Variants in FAAH2 observed in about 807,000 individuals in gnomAD.
The protein encoded by FAAH2 is fatty acid amide hydrolase 2, also known as fatty-acid amide hydrolase 2.
Under a neutral mutation model 36.9 loss-of-function variants are expected in FAAH2, and 60 were observed. The ratio of observed to expected loss-of-function variants is 1.63; its 90% CI spans 1.32 to 2.02. The LOEUF is 2.02. Ranked by LOEUF, FAAH2 falls within the 30% of genes most tolerant of loss-of-function variation. The pLI is 0.00. For missense variants in FAAH2, 689 were observed against 397.5 expected (o/e 1.73, Z -6.23); for synonymous variants, 214 against 143.8 (o/e 1.49, Z -3.49).
rs188868803 is a variant in FAAH2, at chrX:57,487,418, C to G, written c.1424-1339C>G. On this transcript the variant is annotated intron_variant, in intron 10 of 10. Coordinates refer to ENST00000374900, the MANE Select transcript of FAAH2 (RefSeq NM_174912.4). ...TTATATTCCAAACATATGAAAAACT[C>G]TTACAACTCAATAATAAGACGATAA... is the stretch of plus-strand genomic sequence containing the variant. Among the ~76,000 whole-genome samples, 201 of 111,724 alleles carry G rather than the reference C, an allele frequency of 1.8e-3. 1 individual carries two copies. Among genetic ancestry groups the G allele is most frequent in the Non-Finnish European group, 3.3e-3 (173 of 53,094 alleles).
chrX:57,315,959 A>G (rs1287903918), intron 3 of FAAH2, among the ~76,000 whole-genome samples: 4 of 111,700 alleles, frequency 3.6e-5, no homozygotes, highest in Non-Finnish European at 7.6e-5. Context: ...AAAGAAGTCA[A>G]ACTGTCTCTC....
chrX:57,171,269 A>G, the FAAH2 span, among the ~76,000 whole-genome samples: 2 of 111,620 alleles, frequency 1.8e-5, no homozygotes, highest in Non-Finnish European at 3.8e-5. Context: ...CTTTGGGTAG[A>G]TACTCAGTAG....
At chrX:57,237,127 G>A in the FAAH2 span, among the ~76,000 whole-genome samples, 1 of 111,417 alleles carries the variant, frequency 9.0e-6, no homozygotes, top group Non-Finnish European at 1.9e-5. Flanking sequence ...TTTCTTCCAT[G>A]TGTGTTTTTG....
At chrX:57,309,740 A>C (rs1033535029) in intron 2 of FAAH2, among the ~76,000 whole-genome samples, 1 of 111,345 alleles carries the variant, frequency 9.0e-6, no homozygotes, top group African/African-American at 3.3e-5. Context: ...TTTGCTGAGG[A>C]TAATGGCTTC....
At chrX:57,488,672 C>A in intron 10 of FAAH2, 85 bp from the exon 11 acceptor site, 2 of 888,575 alleles carry the variant, frequency 2.3e-6, no homozygotes, top group Admixed American at 3.5e-5. Flanking sequence ...ATATTTTCAC[C>A]TATTTATTAT....
intron 8 of FAAH2, among the ~76,000 whole-genome samples, chrX:57,435,143 A>T (rs1298064195): frequency 8.9e-6 from 1 of 111,972 alleles, no homozygotes; most frequent in Non-Finnish European, 1.9e-5. Flanking sequence ...CATGGAAATA[A>T]AAGGTATATG....
chrX:57,414,850 C>CTTT (rs760473454), intron 7 of FAAH2, among the ~76,000 whole-genome samples: 1 of 57,876 alleles, frequency 1.7e-5, no homozygotes, highest in Non-Finnish European at 3.4e-5. Context: ...TTGTCCTGGG[C>CTTT]TTTTTTTTTT....
At chrX:57,283,159 T>C (rs974290801), upstream of FAAH2, among the ~76,000 whole-genome samples, 2 of 112,307 alleles carry the variant, frequency 1.8e-5, no homozygotes, top group Non-Finnish European at 3.8e-5. Flanking sequence ...ATGGTGGCTG[T>C]GGCTTTCTGG....
chrX:57,281,741 T>C (rs917371941), upstream of FAAH2, among the ~76,000 whole-genome samples: 1 of 111,522 alleles, frequency 9.0e-6, no homozygotes, highest in Non-Finnish European at 1.9e-5. Flanking sequence ...TCAAGTAGGC[T>C]GTGGTGTCTG....
At chrX:57,310,882 T>C (rs1467806745) in intron 3 of FAAH2, among the ~76,000 whole-genome samples, 153 bp downstream of exon 3, 2 of 112,153 alleles carry the variant, frequency 1.8e-5, no homozygotes, top group African/African-American at 6.5e-5. Flanking sequence ...CAAGTTCCAT[T>C]GGGAAAATAA....
chrX:57,203,393 C>T, the FAAH2 span, among the ~76,000 whole-genome samples: 1 of 111,736 alleles, frequency 8.9e-6, no homozygotes, highest in South Asian at 3.8e-4. Context: ...TGTTCCTTGC[C>T]CTTATTCTGG....
the FAAH2 span, among the ~76,000 whole-genome samples, chrX:57,132,136 A>T: frequency 1.8e-5 from 2 of 112,544 alleles, no homozygotes; most frequent in Non-Finnish European, 3.8e-5. Context: ...TCCAAACAGA[A>T]TACAGGTTTA....
intron 3 of FAAH2, among the ~76,000 whole-genome samples, chrX:57,327,755 G>GT (rs762178011): frequency 1.8e-5 from 2 of 111,202 alleles, no homozygotes; most frequent in Non-Finnish European, 3.8e-5. Flanking sequence ...CCTTTTTCAA[G>GT]TTTTTTTAAC....
At chrX:57,219,481 G>A in the FAAH2 span, among the ~76,000 whole-genome samples, 1 of 111,671 alleles carries the variant, frequency 9.0e-6, no homozygotes, top group Non-Finnish European at 1.9e-5. Context: ...CTCGCCTACT[G>A]GTAAGTTTCC....
the FAAH2 span, among the ~76,000 whole-genome samples, chrX:57,156,469 G>A: frequency 8.9e-6 from 1 of 111,773 alleles, no homozygotes; most frequent in African/African-American, 3.2e-5. Context: ...GCATTGAAGA[G>A]TTATGTATTT....
the FAAH2 span, among the ~76,000 whole-genome samples, chrX:57,179,515 T>G: frequency 1.8e-5 from 2 of 111,953 alleles, no homozygotes; most frequent in African/African-American, 6.5e-5. Flanking sequence ...AAAGATCAAA[T>G]AAGACAACAA....
At chrX:57,210,417 A>G in the FAAH2 span, among the ~76,000 whole-genome samples, 2 of 112,566 alleles carry the variant, frequency 1.8e-5, no homozygotes, top group South Asian at 3.6e-4. Context: ...ACAAATAATT[A>G]TAAACCATGA....
chrX:57,377,508 T>G (rs2054715134), intron 5 of FAAH2, among the ~76,000 whole-genome samples: 1 of 112,274 alleles, frequency 8.9e-6, no homozygotes, highest in Admixed American at 9.4e-5. Context: ...GGTCTATATC[T>G]CTGTCTTGGT....
intron 5 of FAAH2, among the ~76,000 whole-genome samples, chrX:57,378,207 A>G (rs2054737009): frequency 8.9e-6 from 1 of 112,106 alleles, no homozygotes; most frequent in African/African-American, 3.2e-5. Context: ...AATTGCAAAC[A>G]ATTTGTTATG....
Sources: gnomAD v4.1 joint callset for allele counts (sites outside exome capture counted in the v4.1 genomes callset) on GRCh38, gnomAD v4.1.1 for gene constraint, MANE v1.5 for transcripts, NCBI Gene and HGNC (gene_info 2026-07-23, HGNC 2026-07-21) for gene names.